The following ERC2 variants were observed in gnomAD, a reference collection of about 807,000 sequenced individuals.
ERC2 encodes ERC protein 2.
A neutral mutation model predicts 114.8 loss-of-function variants in ERC2; 42 were observed. The observed-to-expected ratio is 0.37, with a 90% CI of 0.29 to 0.47. The LOEUF (loss-of-function observed/expected upper bound fraction) is 0.47, where lower values mean the gene tolerates loss of function less well. ERC2 is among the 20% of genes least tolerant of loss of function. The probability of loss-of-function intolerance (pLI) is 0.99; values close to 1 mark genes in which losing one functional copy is unlikely to be tolerated. For missense variants in ERC2, 939 were observed against 1,150.7 expected, an observed-to-expected ratio of 0.82 and a Z score of 2.66; for synonymous variants, 454 against 425.5, an observed-to-expected ratio of 1.07 and a Z score of -0.82.
At chr3:56,399,765 T>C (rs982768772) in intron 2 of ERC2, among the ~76,000 whole-genome samples, 9 of 140,062 alleles carry the variant, frequency 6.4e-5, no homozygotes, top group African/African-American at 2.2e-4. Context: ...ACCTCTCCCA[T>C]GAAAAAAAAA....
intron 2 of ERC2, among the ~76,000 whole-genome samples, chr3:56,343,067 C>T (rs1433666532): frequency 6.6e-6 from 1 of 152,040 alleles, no homozygotes; most frequent in Non-Finnish European, 1.5e-5. Context: ...CAACCTTTCC[C>T]ACCATCAGGT....
chr3:56,043,893 A>T (rs925501338), intron 7 of ERC2, among the ~76,000 whole-genome samples: 21 of 152,082 alleles, frequency 1.4e-4, no homozygotes, highest in Non-Finnish European at 8.8e-5. Context: ...AAGATCACTT[A>T]AAAAAAATCA....
At chr3:55,874,802 G>A (rs938283434) in intron 14 of ERC2, among the ~76,000 whole-genome samples, 4 of 152,112 alleles carry the variant, frequency 2.6e-5, no homozygotes, top group Admixed American at 1.3e-4. Flanking sequence ...CCGTTACCAC[G>A]TATCAGGCTG....
intron 17 of ERC2, among the ~76,000 whole-genome samples, chr3:55,533,870 A>T (rs2053825601): frequency 6.6e-6 from 1 of 152,168 alleles, no homozygotes; most frequent in African/African-American, 2.4e-5. Context: ...ATTTCATATT[A>T]TTTTGATGAT....
At position 55,600,159 on chromosome 3, in the gene ERC2, A is replaced by G. The variant is rs564959730; in HGVS notation, c.*39+83635T>C. 2.6e-5 allele frequency among the ~76,000 whole-genome samples: 4 copies of G among 152,370 alleles called. No individual in the cohort carries two copies. In the South Asian group the frequency reaches 8.3e-4, roughly 32 times the overall value. On this transcript the variant is annotated intron_variant, in intron 17 of 17. Coordinates refer to ENST00000288221, the MANE Select transcript of ERC2 (RefSeq NM_015576.3). ...ATAGAGATGTAATCTGTAAGGGACA[A>G]CATGATAGATATGGGAATTACATAG...
intron 6 of ERC2, among the ~76,000 whole-genome samples, chr3:56,121,071 T>C (rs2079547890): frequency 6.6e-6 from 1 of 152,230 alleles, no homozygotes; most frequent in Non-Finnish European, 1.5e-5. Flanking sequence ...GCATGATTAC[T>C]GTTTAGACCT....
chr3:55,995,144 C>T (rs181900222), intron 10 of ERC2, among the ~76,000 whole-genome samples: 4 of 152,254 alleles, frequency 2.6e-5, no homozygotes, highest in African/African-American at 9.6e-5. Flanking sequence ...ACCATCCTGG[C>T]CAATATGGTA....
intron 14 of ERC2, among the ~76,000 whole-genome samples, chr3:55,749,455 TGA>T (rs1397909422): frequency 6.6e-6 from 1 of 152,148 alleles, no homozygotes; most frequent in Non-Finnish European, 1.5e-5. Flanking sequence ...CTTCCTGGGT[TGA>T]GTGGGGACTT....
chr3:56,296,804 G>T (rs1194050386), intron 2 of ERC2, among the ~76,000 whole-genome samples: 2 of 152,142 alleles, frequency 1.3e-5, no homozygotes, highest in African/African-American at 4.8e-5. Flanking sequence ...TCCAGACTCA[G>T]TATTCCTTGT....
intron 3 of ERC2, among the ~76,000 whole-genome samples, chr3:56,205,337 A>G (rs1219456753): frequency 6.6e-6 from 1 of 152,144 alleles, no homozygotes; most frequent in Non-Finnish European, 1.5e-5. Flanking sequence ...CCCATCTGCA[A>G]ATGTTTGTCC....
At chr3:56,288,595 G>A (rs183211648) in intron 3 of ERC2, among the ~76,000 whole-genome samples, 2 of 152,128 alleles carry the variant, frequency 1.3e-5, no homozygotes, top group Non-Finnish European at 2.9e-5. Flanking sequence ...TTAAAGATAA[G>A]GCAAATGATG....
At chr3:56,462,715 C>T (rs937790810) in intron 1 of ERC2, among the ~76,000 whole-genome samples, 1 of 152,136 alleles carries the variant, frequency 6.6e-6, no homozygotes, top group African/African-American at 2.4e-5. Flanking sequence ...TTCTCACCTG[C>T]AAAATAGGTG....
intron 16 of ERC2, among the ~76,000 whole-genome samples, chr3:55,689,487 G>C (rs1023862349): frequency 6.6e-6 from 1 of 152,096 alleles, no homozygotes; most frequent in African/African-American, 2.4e-5. Flanking sequence ...ACCATTGCCA[G>C]ATAACCATAA....
At chr3:56,257,443 C>T (rs555355591) in intron 3 of ERC2, among the ~76,000 whole-genome samples, 3 of 152,332 alleles carry the variant, frequency 2.0e-5, no homozygotes, top group African/African-American at 7.2e-5. Flanking sequence ...TCAAACCAAA[C>T]AGCCTCATCC....
chr3:56,173,681 G>C, intron 3 of ERC2, 161 bp from the exon 4 acceptor site: 1 of 586,482 alleles, frequency 1.7e-6, no homozygotes, highest in Non-Finnish European at 2.9e-6. Flanking sequence ...CATCCCTCCT[G>C]CCTGGAGCCT....
intron 14 of ERC2, among the ~76,000 whole-genome samples, chr3:55,883,187 A>T (rs558845344): frequency 2.6e-5 from 4 of 152,340 alleles, no homozygotes; most frequent in East Asian, 3.9e-4. Context: ...CATGTGACAG[A>T]TTCACAATAT....
chr3:55,665,280 C>T (rs922729838), intron 17 of ERC2, among the ~76,000 whole-genome samples: 2 of 152,206 alleles, frequency 1.3e-5, no homozygotes, highest in African/African-American at 2.4e-5. Flanking sequence ...AGATCTCAGC[C>T]ATTCCGCAAG....
chr3:56,258,490 T>C (rs994829806), intron 3 of ERC2, among the ~76,000 whole-genome samples: 4 of 152,058 alleles, frequency 2.6e-5, no homozygotes, highest in Admixed American at 6.6e-5. Context: ...CCGTCTCTAC[T>C]AAAAATACAA....
chr3:56,446,629 C>CTTTTTTTTTTTTTTTTTTTTTTTTTTT (rs71099637), intron 1 of ERC2, among the ~76,000 whole-genome samples: 1 of 132,098 alleles, frequency 7.6e-6, no homozygotes, highest in African/African-American at 2.9e-5. Context: ...TTTTTTCTTT[C>CTTTTTTTTTTTTTTTTTTTTTTTTTTT]TTTTTTTTTT....
Sources: allele counts gnomAD v4.1 joint callset (sites outside exome capture counted in the v4.1 genomes callset), GRCh38; gene constraint gnomAD v4.1.1; transcripts MANE v1.5; gene names NCBI Gene and HGNC (gene_info 2026-07-23, HGNC 2026-07-21).